ODAD2: variants seen among roughly 807,000 people sequenced by gnomAD.
ODAD2 encodes outer dynein arm docking complex subunit 2.
A neutral mutation model predicts 106.8 loss-of-function variants in ODAD2; 89 were observed. The observed-to-expected ratio is 0.83, with a 90% confidence interval of 0.70 to 0.99. The LOEUF is 0.99. Ranked by LOEUF, ODAD2 falls within the 50% of genes least tolerant of loss-of-function variation. ODAD2 has a pLI of 0.00. For missense variants in ODAD2, 1,168 were observed against 1,238.5 expected (o/e 0.94, Z 0.85); for synonymous variants, 404 against 436.2 (o/e 0.93, Z 0.92).
intron 2 of ODAD2, among the ~76,000 whole-genome samples, chr10:27,988,267 A>G (rs1850002638): frequency 6.6e-6 from 1 of 151,904 alleles, no homozygotes; most frequent in Non-Finnish European, 1.5e-5. Context: ...ACATTAACTA[A>G]ACTGTCTAGG....
chr10:27,929,289 G>A (rs1845455501), intron 16 of ODAD2, among the ~76,000 whole-genome samples: 1 of 152,116 alleles, frequency 6.6e-6, no homozygotes, highest in Admixed American at 6.5e-5. Flanking sequence ...ATAGATGAGA[G>A]ACGATTGATA....
At chr10:27,868,138 T>G (rs188601016) in intron 17 of ODAD2, among the ~76,000 whole-genome samples, 1 of 152,312 alleles carries the variant, frequency 6.6e-6, no homozygotes, top group East Asian at 1.9e-4. Context: ...AGGTATCATC[T>G]CATGCCAGTG....
intron 9 of ODAD2, among the ~76,000 whole-genome samples, chr10:27,963,205 C>T (rs1333309299): frequency 6.6e-6 from 1 of 152,054 alleles, no homozygotes; most frequent in Non-Finnish European, 1.5e-5. Flanking sequence ...ACGGGATTTT[C>T]ACCATGTTGG....
intron 10 of ODAD2, chr10:27,958,887 A>G (rs1198352138): frequency 8.4e-6 from 11 of 1,303,722 alleles, no homozygotes; most frequent in African/African-American, 1.5e-5. Flanking sequence ...GGTCTTTCCA[A>G]CGTCAAAGAT....
intron 7 of ODAD2, among the ~76,000 whole-genome samples, chr10:27,973,479 C>G (rs1304954315): frequency 6.6e-6 from 1 of 152,092 alleles, no homozygotes; most frequent in African/African-American, 2.4e-5. Flanking sequence ...CTGATCTTCT[C>G]CCTCCTCCCA....
chr10:27,847,952 C>A (rs1838911545), intron 19 of ODAD2, among the ~76,000 whole-genome samples: 1 of 152,204 alleles, frequency 6.6e-6, no homozygotes, highest in African/African-American at 2.4e-5. Context: ...ACATCCCATG[C>A]TCTTGGATAG....
intron 18 of ODAD2, among the ~76,000 whole-genome samples, chr10:27,861,854 T>C (rs1840068870): frequency 6.6e-6 from 1 of 152,260 alleles, no homozygotes; most frequent in Non-Finnish European, 1.5e-5. Flanking sequence ...CAAAGTCTTC[T>C]AGACCAAGCA....
At chr10:27,897,914 TG>T (rs1227097317) in intron 17 of ODAD2, among the ~76,000 whole-genome samples, 3 of 152,012 alleles carry the variant, frequency 2.0e-5, no homozygotes, top group Non-Finnish European at 4.4e-5. Context: ...AGAGGTGGGC[TG>T]GGTCATGTTT....
rs151136207 is a variant in ODAD2 at position 27,938,331 on chromosome 10, G to A, written c.2098-1451C>T. 5.2e-4 allele frequency among the ~76,000 whole-genome samples: 79 copies of A among 152,242 alleles called. No homozygotes were observed. The East Asian group carries it at 0.014, about 27-fold the overall frequency. Reference sequence around the variant, plus strand: ...TACTTGAGTAGGCCCTGCTCCAATAGGACTGCTGTCCAAGGGGAGAAAATG... The same window carrying A: ...TACTTGAGTAGGCCCTGCTCCAATAAGACTGCTGTCCAAGGGGAGAAAATG... On this transcript the variant is annotated intron_variant, in intron 14 of 19. Transcript: ENST00000305242.
chr10:27,911,006 T>C (rs1326420866), intron 16 of ODAD2, among the ~76,000 whole-genome samples: 2 of 152,196 alleles, frequency 1.3e-5, no homozygotes, highest in Non-Finnish European at 2.9e-5. Flanking sequence ...TGTTGAATCA[T>C]GAATATTGGA....
At chr10:27,985,377 T>C (rs1490223643) in intron 3 of ODAD2, among the ~76,000 whole-genome samples, 166 bp from the exon 4 acceptor site, 1 of 152,256 alleles carries the variant, frequency 6.6e-6, no homozygotes, top group East Asian at 1.9e-4. Context: ...TGAGATTCCA[T>C]TGCTTTTAGG....
rs372259044 is a variant in ODAD2, at chr10:27,893,470, T to C, written c.2610+14193A>G. Among the ~76,000 whole-genome samples the C allele has an allele frequency of 3.3e-5, 5 of 152,202 alleles. No individual in the cohort carries two copies. In the East Asian group the frequency reaches 7.7e-4, roughly 23 times the overall value. On this transcript the variant is annotated intron_variant, in intron 17 of 19. Coordinates refer to ENST00000305242, the MANE Select transcript of ODAD2 (RefSeq NM_018076.5). ...TTGTCTAAAGGCGTAGCTGGTGCTT[T>C]CTTCCCTTTCATGTGGCTCTCAGCT...
chr10:27,869,888 A>T (rs971191832), intron 17 of ODAD2, among the ~76,000 whole-genome samples: 2 of 152,152 alleles, frequency 1.3e-5, no homozygotes, highest in African/African-American at 4.8e-5. Flanking sequence ...ACTTTCCAAC[A>T]GTGATGTTTG....
At chr10:27,863,023 G>T (rs1840167257) in intron 17 of ODAD2, among the ~76,000 whole-genome samples, 2 of 152,144 alleles carry the variant, frequency 1.3e-5, no homozygotes, top group South Asian at 4.1e-4. Context: ...AGAAACATAG[G>T]ACTAGGTTCC....
At chr10:27,863,823 T>C (rs1390528959) in intron 17 of ODAD2, among the ~76,000 whole-genome samples, 1 of 152,128 alleles carries the variant, frequency 6.6e-6, no homozygotes, top group South Asian at 2.1e-4. Flanking sequence ...AGGTGATTTT[T>C]TTTTTTTCTA....
intron 17 of ODAD2, among the ~76,000 whole-genome samples, chr10:27,887,895 G>C (rs1333019692): frequency 6.6e-6 from 1 of 151,972 alleles, no homozygotes; most frequent in East Asian, 1.9e-4. Flanking sequence ...GATTGTAAGA[G>C]AATAGTATGA....
At chr10:27,903,194 A>G (rs1384970717) in intron 17 of ODAD2, among the ~76,000 whole-genome samples, 1 of 152,232 alleles carries the variant, frequency 6.6e-6, no homozygotes. Flanking sequence ...ACCAGTGACA[A>G]AAACCACATG....
chr10:27,957,298 G>C (rs1371798138), intron 10 of ODAD2: 1 of 152,208 alleles, frequency 6.6e-6, no homozygotes. Context: ...ACTGCTTTCA[G>C]GGGGCTGAGA....
chr10:27,909,817 GAAAAAAAAA>G (rs35449629), intron 16 of ODAD2, among the ~76,000 whole-genome samples: 71 of 56,380 alleles, frequency 1.3e-3, no homozygotes, highest in South Asian at 5.2e-3. Flanking sequence ...GTCTTCATTT[GAAAAAAAAA>G]AAAAAAAAAA....
Sources: gnomAD v4.1 joint callset for allele counts (sites outside exome capture counted in the v4.1 genomes callset) on GRCh38, gnomAD v4.1.1 for gene constraint, MANE v1.5 for transcripts, NCBI Gene and HGNC (gene_info 2026-07-23, HGNC 2026-07-21) for gene names.